NAV2: variants seen among roughly 807,000 people sequenced by gnomAD.
NAV2 encodes helicase, APC down-regulated 1.
Under a neutral mutation model 223.2 loss-of-function variants are expected in NAV2, and 54 were observed. The observed-to-expected ratio is 0.24, with a 90% CI of 0.19 to 0.30. The LOEUF is 0.30. Ranked by LOEUF, NAV2 falls within the 10% of genes least tolerant of loss-of-function variation. The probability of loss-of-function intolerance (pLI) is 1.00; values close to 1 mark genes in which losing one functional copy is unlikely to be tolerated. For missense variants in NAV2, 2,806 were observed against 3,147.5 expected (o/e 0.89, Z 2.60); for synonymous variants, 1,279 against 1,239.3 (o/e 1.03, Z -0.67).
At chr11:19,377,936 A>C (rs1350004655) in intron 1 of NAV2, among the ~76,000 whole-genome samples, 2 of 151,990 alleles carry the variant, frequency 1.3e-5, no homozygotes, top group African/African-American at 4.8e-5. Flanking sequence ...GAGTGATATG[A>C]AGTGTGGGAA....
intron 8 of NAV2, among the ~76,000 whole-genome samples, chr11:19,940,190 A>G (rs906010711): frequency 6.6e-6 from 1 of 152,108 alleles, no homozygotes; most frequent in Non-Finnish European, 1.5e-5. Flanking sequence ...GATTTAAAAT[A>G]TGTTCTTAGA....
chr11:19,845,128 G>A (rs2060722414), intron 3 of NAV2, among the ~76,000 whole-genome samples: 1 of 152,144 alleles, frequency 6.6e-6, no homozygotes, highest in Non-Finnish European at 1.5e-5. Flanking sequence ...CGATAGACAG[G>A]CATGGATGAT....
intron 2 of NAV2, among the ~76,000 whole-genome samples, chr11:19,836,237 C>G (rs1358739596): frequency 6.6e-6 from 1 of 152,198 alleles, no homozygotes; most frequent in Non-Finnish European, 1.5e-5. Flanking sequence ...CAGCTCTCAA[C>G]TGTCAGGTTT....
At chr11:19,419,307 A>T (rs910804878) in intron 1 of NAV2, among the ~76,000 whole-genome samples, 15 of 152,354 alleles carry the variant, frequency 9.8e-5, no homozygotes, top group Middle Eastern at 3.4e-3. Context: ...GGTGAGCCTC[A>T]TCAAAAGCAC....
At chr11:19,965,518 G>C (rs2048699826) in intron 10 of NAV2, among the ~76,000 whole-genome samples, 1 of 151,878 alleles carries the variant, frequency 6.6e-6, no homozygotes, top group Non-Finnish European at 1.5e-5. Context: ...CTCTCATCTT[G>C]CTGCTAATAT....
chr11:20,054,169 C>T lies in NAV2; in HGVS notation c.4571C>T (p.Ala1524Val). 1 of 1,613,730 alleles carries T rather than the reference C, an allele frequency of 6.2e-7. No individual in the cohort carries two copies. The highest frequency in any genetic ancestry group is 8.5e-7 in the Non-Finnish European group (1 of 1,179,952). Residue 1524 changes from alanine to valine, a missense_variant, in exon 18 of 38, where the codon GCC becomes GTC. Physicochemically the swap from Ala to Val is moderately conservative, Grantham distance 64. Transcript: ENST00000349880. ...GCAGGAGGCCTTCAGGACACCGCTG[C>T]CAATTCCCCCTTTTCCTCTGGCTCC... ...HSAGGLQDTAANSPFSSGSSV... is the reference protein window; with the variant it reads ...HSAGGLQDTAVNSPFSSGSSV...
At chr11:19,751,033 A>G (rs2053763646) in intron 1 of NAV2, among the ~76,000 whole-genome samples, 1 of 152,162 alleles carries the variant, frequency 6.6e-6, no homozygotes, top group African/African-American at 2.4e-5. Flanking sequence ...TCTCTTCCCA[A>G]TTTCACATTC....
intron 1 of NAV2, among the ~76,000 whole-genome samples, chr11:19,567,864 A>G (rs372761689): frequency 5.9e-5 from 9 of 152,176 alleles, no homozygotes; most frequent in African/African-American, 1.7e-4. Context: ...GGGGTCTCCC[A>G]TCACTGACCT....
At chr11:19,519,595 G>A (rs986566027) in intron 1 of NAV2, among the ~76,000 whole-genome samples, 5 of 152,140 alleles carry the variant, frequency 3.3e-5, no homozygotes, top group African/African-American at 9.7e-5. Flanking sequence ...ATGAAAGAAG[G>A]AATGACAGAA....
intron 1 of NAV2, among the ~76,000 whole-genome samples, chr11:19,630,533 C>T (rs186313131): frequency 6.6e-6 from 1 of 152,070 alleles, no homozygotes; most frequent in Non-Finnish European, 1.5e-5. Flanking sequence ...CCACTTCTAC[C>T]CAGATTGCTC....
Position 19,802,784 on chromosome 11 carries a change from G to A in NAV2, c.268-29700G>A, listed in dbSNP as rs535757302. The stretch of plus-strand genomic sequence containing the variant: ...ATGGTTTTGTGGGGATGAGAGAGTC[G>A]ATGGGGACAGGCAATTTGCAGGACC... On this transcript the variant is annotated intron_variant, in intron 1 of 37. Coordinates refer to ENST00000349880, the MANE Select transcript of NAV2 (RefSeq NM_145117.5). Among the ~76,000 whole-genome samples the A allele has an allele frequency of 7.2e-5, 11 of 151,754 alleles. No homozygotes were observed. In the South Asian group the frequency reaches 2.1e-3, roughly 29 times the overall value.
intron 1 of NAV2, among the ~76,000 whole-genome samples, chr11:19,410,691 C>T (rs1460868172): frequency 1.3e-5 from 2 of 152,158 alleles, no homozygotes; most frequent in Admixed American, 1.3e-4. Context: ...GAATGACATG[C>T]CATAGGAGGT....
rs138866588 is a variant in NAV2 at position 19,621,084 on chromosome 11, A to T, written c.76-211400A>T. On this transcript the variant is annotated intron_variant, in intron 1 of 37. Transcript: ENST00000360655. ...AGGTTTATTGATTTGTGTATATGGA[A>T]CCAGCCTTGCATCCCAGGAAAGAAG... 8.9e-3 allele frequency among the ~76,000 whole-genome samples: 1,359 copies of T among 152,264 alleles called. 21 individuals are homozygous for T. The highest frequency in any genetic ancestry group is 0.03 in the African/African-American group (1,265 of 41,534).
At chr11:19,445,992 A>G (rs905300062) in intron 1 of NAV2, among the ~76,000 whole-genome samples, 1 of 152,194 alleles carries the variant, frequency 6.6e-6, no homozygotes, top group African/African-American at 2.4e-5. Flanking sequence ...TCATCCTGTC[A>G]TATGTCCTTG....
intron 1 of NAV2, among the ~76,000 whole-genome samples, chr11:19,765,064 C>G (rs2055090099): frequency 6.6e-6 from 1 of 152,148 alleles, no homozygotes; most frequent in South Asian, 2.1e-4. Flanking sequence ...CACCCTGGAC[C>G]CTGCAGTCAT....
Position 19,582,192 on chromosome 11 carries a change from G to A in NAV2, c.75+231165G>A, listed in dbSNP as rs576752073. ...TGAGAAGTGTCTGTTCATATCCTTCGCCCACTTGTTGATGGGGTTGTTTGT... is the reference window on the plus strand; with the variant it reads ...TGAGAAGTGTCTGTTCATATCCTTCACCCACTTGTTGATGGGGTTGTTTGT... On this transcript the variant is annotated intron_variant, in intron 1 of 37. Coordinates refer to the NAV2 transcript ENST00000360655. Among the ~76,000 whole-genome samples, 92 of 152,238 alleles carry A rather than the reference G, an allele frequency of 6.0e-4. 1 individual carries two copies. The highest frequency in any genetic ancestry group is 1.2e-3 in the African/African-American group (51 of 41,538).
chr11:19,457,163 GA>G (rs1438987802), intron 1 of NAV2, among the ~76,000 whole-genome samples: 5 of 152,184 alleles, frequency 3.3e-5, no homozygotes, highest in African/African-American at 1.2e-4. Context: ...AAATGGAGAA[GA>G]AAAACAATAG....
At chr11:19,772,431 G>A (rs568051138) in intron 1 of NAV2, among the ~76,000 whole-genome samples, 1 of 152,184 alleles carries the variant, frequency 6.6e-6, no homozygotes, top group South Asian at 2.1e-4. Flanking sequence ...TAGCAAAAAG[G>A]ATCCTTTTCA....
At chr11:19,915,052 C>G (rs1201657411) in intron 6 of NAV2, among the ~76,000 whole-genome samples, 1 of 152,190 alleles carries the variant, frequency 6.6e-6, no homozygotes, top group Non-Finnish European at 1.5e-5. Context: ...TCAGAACATA[C>G]CCTTAAGAGC....
Sources: gnomAD v4.1 joint callset for allele counts (sites outside exome capture counted in the v4.1 genomes callset) on GRCh38, gnomAD v4.1.1 for gene constraint, MANE v1.5 for transcripts, NCBI Gene and HGNC (gene_info 2026-07-23, HGNC 2026-07-21) for gene names.